MAGI2: variants seen among roughly 807,000 people sequenced by gnomAD.
The protein encoded by MAGI2 is membrane-associated guanylate kinase, WW and PDZ domain-containing protein 2.
In MAGI2, 35 loss-of-function variants were observed where a neutral mutation model predicts 133.3. The observed-to-expected ratio is 0.26, with a 90% CI of 0.20 to 0.35. The LOEUF is 0.35. MAGI2 is among the 10% of genes least tolerant of loss of function. The pLI is 1.00. For synonymous variants in MAGI2, 729 were observed against 710.6 expected (o/e 1.03, Z -0.41); for missense variants, 1,636 against 1,863.4 (o/e 0.88, Z 2.25).
chr7:78,725,971 C>T (rs944953687), intron 2 of MAGI2, among the ~76,000 whole-genome samples: 5 of 152,052 alleles, frequency 3.3e-5, no homozygotes, highest in Non-Finnish European at 5.9e-5. Flanking sequence ...ATGTTTATAT[C>T]CCAGGCTTTT....
At chr7:78,791,084 G>A (rs1484001048) in intron 2 of MAGI2, among the ~76,000 whole-genome samples, 1 of 152,126 alleles carries the variant, frequency 6.6e-6, no homozygotes, top group Non-Finnish European at 1.5e-5. Flanking sequence ...AGCAAAAATG[G>A]TATGTTGAGA....
chr7:79,189,277 G>A (rs1246385504), intron 1 of MAGI2, among the ~76,000 whole-genome samples: 1 of 136,520 alleles, frequency 7.3e-6, no homozygotes, highest in Non-Finnish European at 1.5e-5. Flanking sequence ...AATCCTAGGA[G>A]CCTCATTCCT....
chr7:78,751,309 G>A (rs1184631557), intron 2 of MAGI2, among the ~76,000 whole-genome samples: 2 of 152,130 alleles, frequency 1.3e-5, no homozygotes, highest in East Asian at 3.8e-4. Flanking sequence ...TACACATATT[G>A]TAATGATTTT....
chr7:78,334,523 G>A (rs375280775), intron 9 of MAGI2, among the ~76,000 whole-genome samples: 1 of 152,146 alleles, frequency 6.6e-6, no homozygotes, highest in African/African-American at 2.4e-5. Context: ...GGTTTTTTCT[G>A]TTGGATAGAA....
chr7:78,035,090 G>GGTGGACACT (rs1209627245), intron 21 of MAGI2: 3 of 152,680 alleles, frequency 2.0e-5, no homozygotes, highest in Admixed American at 6.5e-5. Flanking sequence ...CCACTGTGCA[G>GGTGGACACT]GTGCTGGAGA....
intron 10 of MAGI2, among the ~76,000 whole-genome samples, chr7:78,221,079 A>G (rs1483123288): frequency 1.3e-5 from 2 of 152,270 alleles, no homozygotes; most frequent in Admixed American, 6.5e-5. Flanking sequence ...GATCTTTAGC[A>G]TGTCATGAAT....
At chr7:78,832,354 T>C (rs1194535258) in intron 2 of MAGI2, among the ~76,000 whole-genome samples, 3 of 152,176 alleles carry the variant, frequency 2.0e-5, no homozygotes, top group East Asian at 1.9e-4. Context: ...GTTTTTAAAG[T>C]AGGGTTGGAA....
chr7:78,212,034 A>G (rs2150805505), intron 10 of MAGI2, among the ~76,000 whole-genome samples: 1 of 152,262 alleles, frequency 6.6e-6, no homozygotes, highest in Admixed American at 6.5e-5. Flanking sequence ...TCTTTTATGA[A>G]TTGCTTCTAA....
At chr7:78,877,157 C>T (rs755210816) in intron 2 of MAGI2, among the ~76,000 whole-genome samples, 6 of 152,172 alleles carry the variant, frequency 3.9e-5, no homozygotes, top group Non-Finnish European at 7.3e-5. Flanking sequence ...ACACACTTTT[C>T]GTGTACTGAT....
At chr7:78,922,494 C>A (rs1236324219) in intron 2 of MAGI2, among the ~76,000 whole-genome samples, 2 of 151,742 alleles carry the variant, frequency 1.3e-5, no homozygotes, top group African/African-American at 2.4e-5. Flanking sequence ...TTTCCAATTT[C>A]ATCCATGTCC....
rs1256507981 is a variant in MAGI2, at chr7:78,277,510, A to G, written c.1409-20929T>C. ...TTCAAGAAGGCATGAGATGTCCAGA[A>G]CAGAGCTATCCAAAGGTGCAGCAAG... On this transcript the variant is annotated intron_variant, in intron 9 of 21. Transcript: ENST00000354212. 2.0e-5 allele frequency among the ~76,000 whole-genome samples: 3 copies of G among 152,332 alleles called. No individual in the cohort carries two copies. In the East Asian group the frequency reaches 5.8e-4, roughly 29 times the overall value.
At chr7:78,522,524 C>A (rs904880048) in intron 3 of MAGI2, among the ~76,000 whole-genome samples, 1 of 152,042 alleles carries the variant, frequency 6.6e-6, no homozygotes, top group Non-Finnish European at 1.5e-5. Flanking sequence ...GGACTACAGG[C>A]GTGCGCCACC....
intron 20 of MAGI2, among the ~76,000 whole-genome samples, chr7:78,109,303 C>CAAAAAAAAAAAAAAAAAAAAAAAA (rs71085511): frequency 2.5e-4 from 5 of 19,948 alleles, no homozygotes; most frequent in African/African-American, 4.0e-4. Flanking sequence ...GACTCCGTCT[C>CAAAAAAAAAAAAAAAAAAAAAAAA]AAAAAAAAAA....
chr7:78,747,274 AT>A (rs1823011953), intron 2 of MAGI2, among the ~76,000 whole-genome samples: 1 of 152,212 alleles, frequency 6.6e-6, no homozygotes, highest in Non-Finnish European at 1.5e-5. Flanking sequence ...CCCATAAGGC[AT>A]GAGCTGAACC....
intron 1 of MAGI2, chr7:79,410,016 T>C (rs774805133): frequency 2.6e-5 from 4 of 152,056 alleles, no homozygotes; most frequent in Non-Finnish European, 5.9e-5. Context: ...TCAAAGGAAG[T>C]ACAAATAAAT....
chr7:78,853,565 A>C (rs1002958311), intron 2 of MAGI2, among the ~76,000 whole-genome samples: 4 of 151,360 alleles, frequency 2.6e-5, no homozygotes, highest in African/African-American at 9.7e-5. Context: ...CATGTTGCCC[A>C]GACTGGTCTC....
intron 9 of MAGI2, among the ~76,000 whole-genome samples, chr7:78,316,059 A>G (rs1787382919): frequency 6.6e-6 from 1 of 152,172 alleles, no homozygotes; most frequent in African/African-American, 2.4e-5. Context: ...TCCACTGGGA[A>G]GTGTCTTAGC....
chr7:78,900,466 A>G (rs1010267665), intron 2 of MAGI2, among the ~76,000 whole-genome samples: 3 of 151,996 alleles, frequency 2.0e-5, no homozygotes, highest in African/African-American at 4.8e-5. Flanking sequence ...CTATTCCTTG[A>G]ACACATCAAG....
chr7:78,937,222 G>A (rs918291600), intron 2 of MAGI2, among the ~76,000 whole-genome samples: 1 of 151,996 alleles, frequency 6.6e-6, no homozygotes, highest in African/African-American at 2.4e-5. Context: ...GACAATTTAA[G>A]CAATAAAATA....
Sources: allele counts gnomAD v4.1 joint callset (sites outside exome capture counted in the v4.1 genomes callset), GRCh38; gene constraint gnomAD v4.1.1; transcripts MANE v1.5; gene names NCBI Gene and HGNC (gene_info 2026-07-23, HGNC 2026-07-21).